Variants in AVL9 observed in about 807,000 individuals in gnomAD.
AVL9 encodes AVL9 cell migration associated, also known as late secretory pathway protein AVL9 homolog.
A neutral mutation model predicts 79.2 loss-of-function variants in AVL9; 49 were observed. The ratio of observed to expected loss-of-function variants is 0.62; its 90% CI spans 0.49 to 0.79. The LOEUF (loss-of-function observed/expected upper bound fraction) is 0.79. Ranked by LOEUF, AVL9 falls within the 30% of genes least tolerant of loss-of-function variation. The pLI is 0.00. For missense variants in AVL9, 682 were observed against 776.8 expected, an observed-to-expected ratio of 0.88 and a Z score of 1.45; for synonymous variants, 299 against 280.6, an observed-to-expected ratio of 1.07 and a Z score of -0.65.
intron 15 of AVL9, among the ~76,000 whole-genome samples, chr7:32,583,368 T>C (rs1791604088): frequency 6.6e-6 from 1 of 152,224 alleles, no homozygotes; most frequent in Non-Finnish European, 1.5e-5. Context: ...AAATGATATT[T>C]TGGCTACTAT....
chr7:32,533,936 C>CAA (rs1491585495), intron 1 of AVL9: 3 of 152,182 alleles, frequency 2.0e-5, no homozygotes, highest in Non-Finnish European at 4.4e-5. Context: ...CTGAAGTACT[C>CAA]AGAGTTCACA....
At chr7:32,557,905 G>A (rs1041877986) in intron 8 of AVL9, among the ~76,000 whole-genome samples, 3 of 150,018 alleles carry the variant, frequency 2.0e-5, no homozygotes, top group Non-Finnish European at 4.4e-5. Flanking sequence ...GCCCAGGCTG[G>A]AGTGCAGTGG....
At chr7:32,555,845 T>C (rs183295911) in intron 8 of AVL9, among the ~76,000 whole-genome samples, 10 of 152,304 alleles carry the variant, frequency 6.6e-5, no homozygotes, top group Admixed American at 1.3e-4. Flanking sequence ...CTTAAAAATA[T>C]TCCTTTGACC....
chr7:32,566,098 A>G (rs982613279), intron 10 of AVL9, among the ~76,000 whole-genome samples: 6 of 151,060 alleles, frequency 4.0e-5, no homozygotes, highest in Non-Finnish European at 7.4e-5. Context: ...GGTCATGTCA[A>G]TGCACTCCAG....
In AVL9 at chr7:32,566,180, A is replaced by ATCTTTTTTTTTT. The variant is rs70992731; in HGVS notation, c.1216-3839_1216-3838insCTTTTTTTTTTT. Among the ~76,000 whole-genome samples, 63 of 93,860 alleles carry ATCTTTTTTTTTT rather than the reference A, an allele frequency of 6.7e-4. 10 individuals are homozygous for ATCTTTTTTTTTT. Among genetic ancestry groups the ATCTTTTTTTTTT allele is most frequent in the Admixed American group, 1.1e-3 (8 of 7,118 alleles). 61.6% of individuals were successfully genotyped at this position (93,860 alleles called of 152,430 possible). On this transcript the variant is annotated intron_variant, in intron 10 of 15. Coordinates refer to ENST00000318709, the MANE Select transcript of AVL9 (RefSeq NM_015060.3). ...TAAAAAAATTTTAATTATTATTATT[A>ATCTTTTTTTTTT]TTTTTTTTTTTTGGAGACAAGGTCT...
intron 11 of AVL9, among the ~76,000 whole-genome samples, chr7:32,572,466 T>TA (rs1404516086): frequency 6.6e-6 from 1 of 150,756 alleles, no homozygotes; most frequent in African/African-American, 2.5e-5. Flanking sequence ...ACCTGTAAGT[T>TA]ACATGTATTT....
chr7:32,581,860 A>C (rs890718745), intron 15 of AVL9, among the ~76,000 whole-genome samples: 1 of 152,196 alleles, frequency 6.6e-6, no homozygotes, highest in African/African-American at 2.4e-5. Context: ...CCTTGCCATA[A>C]GGTTTTTAAT....
rs535676912 is a variant in AVL9 at position 32,588,608 on chromosome 7, T to C, written c.*4701T>C. ...TCTTTATTTCTGTTGTTTTTTTAAA[T>C]TGTTAAAATTATAAATCACGTCTAA... On this transcript the variant is annotated 3_prime_UTR_variant, in exon 16 of 16. Coordinates refer to ENST00000318709, the MANE Select transcript of AVL9 (RefSeq NM_015060.3). 6.6e-5 allele frequency: 10 copies of C among 152,324 alleles called. No homozygotes were observed. Among genetic ancestry groups the C allele is most frequent in the Non-Finnish European group, 1.2e-4 (8 of 68,038 alleles). 9.4% of individuals were successfully genotyped at this position (152,324 alleles called of 1,614,324 possible).
chr7:32,516,279 T>C (rs984166983), intron 1 of AVL9, among the ~76,000 whole-genome samples: 2 of 152,162 alleles, frequency 1.3e-5, no homozygotes, highest in African/African-American at 4.8e-5. Flanking sequence ...CAGGAAGCAG[T>C]CTTCACTGTT....
intron 8 of AVL9, among the ~76,000 whole-genome samples, chr7:32,554,868 C>T (rs1301183923): frequency 1.3e-5 from 2 of 152,058 alleles, no homozygotes; most frequent in African/African-American, 4.8e-5. Flanking sequence ...CTCAGTGGCT[C>T]CATAGTGTAA....
rs182388491 is a variant in AVL9, at chr7:32,585,939, G to A, written c.*2032G>A. The A allele has an allele frequency of 4.6e-5, 7 of 152,308 alleles. No homozygotes were observed. Among genetic ancestry groups the A allele is most frequent in the Admixed American group, 3.3e-4 (5 of 15,296 alleles). The allele number at this position is 152,308 out of a possible 1,614,324, so 9.4% of individuals were successfully genotyped here. ...TTGTTTCATAAGGGCCACATCATTCGTTGGAGCATGATAGTGTGATTTGTG... is the reference window on the plus strand; with the variant it reads ...TTGTTTCATAAGGGCCACATCATTCATTGGAGCATGATAGTGTGATTTGTG... On this transcript the variant is annotated 3_prime_UTR_variant, in exon 16 of 16. Transcript: ENST00000318709.
chr7:32,571,507 G>A (rs1339779635), intron 11 of AVL9, among the ~76,000 whole-genome samples: 7 of 151,708 alleles, frequency 4.6e-5, no homozygotes, highest in South Asian at 2.1e-4. Flanking sequence ...CAGCTTGGGC[G>A]ATAGAGTGAA....
intron 1 of AVL9, among the ~76,000 whole-genome samples, chr7:32,513,926 A>G (rs986125581): frequency 1.3e-5 from 2 of 152,232 alleles, no homozygotes; most frequent in Non-Finnish European, 1.5e-5. Flanking sequence ...GGATGTGCAC[A>G]TAGGCTAGTT....
At position 32,558,959 on chromosome 7, in the gene AVL9, C is replaced by A; in HGVS notation, c.710C>A (p.Ser237Tyr). Residue 237 changes from serine (S) to tyrosine (Y), a missense_variant, in exon 10 of 16, where the codon TCT becomes TAT. Ser to Tyr is a moderately radical substitution (Grantham distance 144). Transcript: ENST00000318709. ...GMIEHGLSDCSQYRPRKSMSE... is the reference protein window; with the variant it reads ...GMIEHGLSDCYQYRPRKSMSE... ...ATTGAACATGGTCTCAGTGACTGTT[C>A]TCAGTATAGACCCCGGAAAAGTATG... 1 of 1,603,480 alleles carries A rather than the reference C, an allele frequency of 6.2e-7. No individual in the cohort carries two copies. The highest frequency in any genetic ancestry group is 1.1e-5 in the South Asian group (1 of 88,682).
chr7:32,506,816 A>G (rs144889011), intron 1 of AVL9, among the ~76,000 whole-genome samples: 1,714 of 152,242 alleles, frequency 0.011, 35 homozygotes, highest in African/African-American at 0.038. Flanking sequence ...CCAATCCTTC[A>G]CAAACTCTGT....
intron 13 of AVL9, among the ~76,000 whole-genome samples, chr7:32,577,274 A>T (rs11979981): frequency 0.011 from 1,659 of 152,284 alleles, 33 homozygotes; most frequent in African/African-American, 0.038. Flanking sequence ...TTTCGAGGCC[A>T]GCCTAGGCAA....
intron 1 of AVL9, among the ~76,000 whole-genome samples, chr7:32,524,659 A>G (rs899236762): frequency 1.3e-5 from 2 of 152,182 alleles, no homozygotes; most frequent in African/African-American, 2.4e-5. Context: ...AGAAATGTTA[A>G]TTGGACACAC....
In AVL9 at chr7:32,495,790, G is replaced by C; in HGVS notation, c.81G>C (p.Lys27Asn). Residue 27 changes from lysine (K) to asparagine (N), a missense_variant, in exon 1 of 16, where the codon AAG becomes AAC. By Grantham distance (94) the Lys-to-Asn change is moderately conservative (BLOSUM62 0). Coordinates refer to ENST00000318709, the MANE Select transcript of AVL9 (RefSeq NM_015060.3). The stretch of plus-strand genomic sequence containing the variant: ...TCGTGGTGGTCGGATTTCACCACAA[G>C]AAGGGCTGCCAGGTGAGGAAAGGGC... ...LHIVVVGFHH[K>N]KGCQVEFSYP... The C allele has an allele frequency of 7.9e-7, 1 of 1,259,346 alleles. No individual in the cohort carries two copies. Among genetic ancestry groups the C allele is most frequent in the Non-Finnish European group, 1.0e-6 (1 of 992,346 alleles). The allele number at this position is 1,259,346 out of a possible 1,614,324, so 78.0% of individuals were successfully genotyped here.
Position 32,558,668 on chromosome 7 carries a change from T to G in AVL9, c.679+40T>G, listed in dbSNP as rs769410181. 6 of 1,491,428 alleles carry G rather than the reference T, an allele frequency of 4.0e-6. No individual in the cohort carries two copies. In the South Asian group the frequency reaches 7.3e-5, roughly 18 times the overall value. The allele number at this position is 1,491,428 out of a possible 1,614,324, so 92.4% of individuals were successfully genotyped here. The stretch of plus-strand genomic sequence containing the variant: ...GTATCTACTCTTTCTTTTGTTTAAC[T>G]TGTACTGGAACCTAAACTTTTAGAA... On this transcript the variant is annotated intron_variant, in intron 9 of 15. Transcript: ENST00000318709.
Sources: gnomAD v4.1 joint callset for allele counts (sites outside exome capture counted in the v4.1 genomes callset) on GRCh38, gnomAD v4.1.1 for gene constraint, MANE v1.5 for transcripts, NCBI Gene and HGNC (gene_info 2026-07-23, HGNC 2026-07-21) for gene names.